The following TSHR variants were observed in gnomAD, a reference collection of about 807,000 sequenced individuals.
TSHR encodes thyroid stimulating hormone receptor.
Under a neutral mutation model 64.1 loss-of-function variants are expected in TSHR, and 51 were observed. That is an observed-to-expected ratio of 0.80 (90% CI 0.64 to 1.01). The LOEUF is 1.01. Ranked by LOEUF, TSHR falls within the 50% of genes least tolerant of loss-of-function variation. TSHR has a pLI of 0.00. For synonymous variants in TSHR, 361 were observed against 361.9 expected, an observed-to-expected ratio of 1.00 and a Z score of 0.03; for missense variants, 877 against 942.8, an observed-to-expected ratio of 0.93 and a Z score of 0.91.
intron 3 of TSHR, among the ~76,000 whole-genome samples, chr14:81,072,730 C>T (rs967282673): frequency 2.0e-5 from 3 of 151,586 alleles, no homozygotes; most frequent in African/African-American, 7.3e-5. Context: ...AAACATTATA[C>T]AGAAAGGTTG....
intron 1 of TSHR, among the ~76,000 whole-genome samples, chr14:81,034,338 G>T (rs1411621509): frequency 1.3e-5 from 2 of 152,188 alleles, no homozygotes; most frequent in Non-Finnish European, 2.9e-5. Flanking sequence ...TTAATCAGAA[G>T]ATCTAAGTGG....
intron 1 of TSHR, among the ~76,000 whole-genome samples, chr14:81,037,869 A>G (rs1205399454): frequency 6.6e-6 from 1 of 151,738 alleles, no homozygotes; most frequent in Non-Finnish European, 1.5e-5. Context: ...CTGCAATACA[A>G]TAATAGTAGG....
chr14:81,078,722 TGGG>T (rs1887679623), intron 3 of TSHR: 1 of 152,216 alleles, frequency 6.6e-6, no homozygotes, highest in South Asian at 2.1e-4. Context: ...AGAGACCGTG[TGGG>T]AAGATCCTGA....
Position 81,103,399 on chromosome 14 carries a change from G to A in TSHR, c.615-4976G>A, listed in dbSNP as rs1048221407. 2 of 985,324 alleles carry A rather than the reference G, an allele frequency of 2.0e-6. No individual in the cohort carries two copies. Among genetic ancestry groups the A allele is most frequent in the African/African-American group, 1.7e-5 (1 of 57,234 alleles). The allele number at this position is 985,324 out of a possible 1,614,324, so 61.0% of individuals were successfully genotyped here. A position where few individuals can be genotyped will look rare whatever the true frequency, so the allele number is the denominator to read the frequency against. On this transcript the variant is annotated intron_variant, in intron 7 of 9. Coordinates refer to ENST00000298171, the MANE Select transcript of TSHR (RefSeq NM_000369.5). The surrounding 1 kb of genome is among the most constrained non-coding windows in gnomAD (Gnocchi z 4.1). Reference sequence around the variant, plus strand: ...CATTTAAACAATGTGTCATCCAAAAGAGCAATCATCCCCTATCATTCCACT... The same window carrying A: ...CATTTAAACAATGTGTCATCCAAAAAAGCAATCATCCCCTATCATTCCACT...
intron 6 of TSHR, among the ~76,000 whole-genome samples, chr14:81,095,265 G>C (rs563084148): frequency 6.6e-6 from 1 of 152,234 alleles, no homozygotes; most frequent in South Asian, 2.1e-4. Context: ...CTTTTGGTAG[G>C]TGGAAATAAT....
intron 1 of TSHR, among the ~76,000 whole-genome samples, chr14:80,972,142 T>C (rs1887617652): frequency 6.6e-6 from 1 of 152,228 alleles, no homozygotes; most frequent in Non-Finnish European, 1.5e-5. Context: ...GTGTTTGGAT[T>C]TATGAAAATT....
chr14:81,033,296 A>T (rs1172351842), intron 1 of TSHR: 3 of 444,772 alleles, frequency 6.7e-6, no homozygotes, highest in Non-Finnish European at 8.9e-6. Flanking sequence ...CATAATTTGT[A>T]CAGCTCCAAG....
chr14:81,026,498 A>C (rs1884061207), intron 1 of TSHR, among the ~76,000 whole-genome samples: 1 of 152,214 alleles, frequency 6.6e-6, no homozygotes. Flanking sequence ...AAAACAAATA[A>C]AAATCATAAA....
chr14:81,138,052 C>T (rs1456120869), intron 8 of TSHR, among the ~76,000 whole-genome samples: 1 of 152,188 alleles, frequency 6.6e-6, no homozygotes, highest in African/African-American at 2.4e-5. Context: ...TCATTTTCTT[C>T]ACAACTGTGC....
chr14:80,990,660 A>AT (rs35708128), intron 1 of TSHR, among the ~76,000 whole-genome samples: 75,269 of 149,748 alleles, frequency 0.5, 18,913 homozygotes, highest in East Asian at 0.63. Context: ...CTGAAACAGA[A>AT]TTTTTTTTTT....
intron 1 of TSHR, among the ~76,000 whole-genome samples, chr14:81,059,376 C>T (rs1472028307): frequency 6.6e-6 from 1 of 152,078 alleles, no homozygotes; most frequent in Non-Finnish European, 1.5e-5. Context: ...GCAACCAAGG[C>T]AATTTATACC....
At chr14:81,098,233 A>C (rs1889342806) in intron 7 of TSHR, among the ~76,000 whole-genome samples, 2 of 152,234 alleles carry the variant, frequency 1.3e-5, no homozygotes, top group African/African-American at 4.8e-5. Context: ...AAGTGTACCC[A>C]ATCCAAAATA....
intron 1 of TSHR, among the ~76,000 whole-genome samples, chr14:81,048,749 G>A (rs1046376428): frequency 4.6e-5 from 7 of 152,188 alleles, no homozygotes; most frequent in East Asian, 1.9e-4. Flanking sequence ...TCTGAACTGC[G>A]TGATGGTAGG....
At chr14:81,083,691 A>G (rs1355788526) in intron 3 of TSHR, among the ~76,000 whole-genome samples, 2 of 152,044 alleles carry the variant, frequency 1.3e-5, no homozygotes, top group African/African-American at 4.8e-5. Context: ...AAAAAAGTAC[A>G]CTGTTTCTTT....
At chr14:81,033,913 T>A (rs1361135556) in intron 1 of TSHR, among the ~76,000 whole-genome samples, 1 of 152,212 alleles carries the variant, frequency 6.6e-6, no homozygotes, top group East Asian at 1.9e-4. Flanking sequence ...GCACCATTGA[T>A]AAATCATCTC....
intron 1 of TSHR, among the ~76,000 whole-genome samples, chr14:80,991,051 CTT>C (rs1290247559): frequency 3.3e-5 from 5 of 152,314 alleles, no homozygotes; most frequent in South Asian, 2.1e-4. Flanking sequence ...ATTTTTCTCT[CTT>C]AAGAATTATG....
chr14:81,025,054 A>G (rs1327076382), intron 1 of TSHR, among the ~76,000 whole-genome samples: 1 of 152,224 alleles, frequency 6.6e-6, no homozygotes, highest in Non-Finnish European at 1.5e-5. Flanking sequence ...GGAGCTGGCT[A>G]TGACATTTTT....
intron 1 of TSHR, among the ~76,000 whole-genome samples, chr14:81,022,572 C>T (rs576380166): frequency 2.3e-4 from 35 of 151,670 alleles, no homozygotes; most frequent in African/African-American, 8.5e-4. Flanking sequence ...CCTGTAATAC[C>T]AGCACTTTGG....
intron 1 of TSHR, among the ~76,000 whole-genome samples, chr14:81,004,333 C>T (rs1252655502): frequency 6.6e-6 from 1 of 152,174 alleles, no homozygotes; most frequent in Non-Finnish European, 1.5e-5. Context: ...ATATGTTCTA[C>T]TCAGTTATCA....
Sources: allele counts gnomAD v4.1 joint callset (sites outside exome capture counted in the v4.1 genomes callset), GRCh38; gene constraint gnomAD v4.1.1; non-coding constraint Gnocchi (gnomAD v3.1); transcripts MANE v1.5; gene names NCBI Gene and HGNC (gene_info 2026-07-23, HGNC 2026-07-21).